CCDC125: variants seen among roughly 807,000 people sequenced by gnomAD.
The protein encoded by CCDC125 is coiled-coil domain-containing protein 125.
CCDC125 carries 43 observed loss-of-function variants against 57.4 expected under a neutral mutation model. The observed-to-expected ratio is 0.75, with a 90% confidence interval of 0.59 to 0.97. The LOEUF (loss-of-function observed/expected upper bound fraction) is 0.97. Among genes scored for constraint, CCDC125 ranks in the 50% least tolerant of loss-of-function variants. The pLI is 0.00. For synonymous variants in CCDC125, 187 were observed against 195.2 expected (o/e 0.96, Z 0.35); for missense variants, 563 against 595.7 (o/e 0.95, Z 0.57).
chr5:69,283,785 G>C (rs1752844649), intron 11 of CCDC125, among the ~76,000 whole-genome samples: 1 of 140,102 alleles, frequency 7.1e-6, no homozygotes, highest in Non-Finnish European at 1.6e-5. Context: ...ACCATGCCAG[G>C]CTGACAATTT....
chr5:69,327,282 G>A (rs547680449), intron 1 of CCDC125, among the ~76,000 whole-genome samples: 44 of 152,040 alleles, frequency 2.9e-4, no homozygotes, highest in Non-Finnish European at 8.8e-5. Context: ...TTTTAGTAGA[G>A]ATGGGGTTTC....
chr5:69,307,178 G>C (rs1218724574), intron 5 of CCDC125, among the ~76,000 whole-genome samples: 4 of 151,920 alleles, frequency 2.6e-5, no homozygotes, highest in African/African-American at 7.3e-5. Flanking sequence ...AGATTTCTCA[G>C]TGCCCACCTC....
At chr5:69,289,862 CAAAA>C (rs11284379) in intron 10 of CCDC125, among the ~76,000 whole-genome samples, 8 of 111,530 alleles carry the variant, frequency 7.2e-5, no homozygotes, top group Admixed American at 1.9e-4. Flanking sequence ...GATGCTGCCT[CAAAA>C]AAAAAAAAAA....
chr5:69,325,140 A>G (rs1332828879), intron 1 of CCDC125, among the ~76,000 whole-genome samples: 1 of 152,040 alleles, frequency 6.6e-6, no homozygotes, highest in Non-Finnish European at 1.5e-5. Context: ...CCTGGCCAAC[A>G]TGGTGAAACC....
intron 8 of CCDC125, among the ~76,000 whole-genome samples, chr5:69,295,502 T>C (rs1175670617): frequency 6.6e-6 from 1 of 152,212 alleles, no homozygotes; most frequent in Non-Finnish European, 1.5e-5. Context: ...GGTAGCATGT[T>C]TGAAATGCTG....
At chr5:69,296,279 C>T (rs1229998990) in intron 8 of CCDC125, among the ~76,000 whole-genome samples, 3 of 151,732 alleles carry the variant, frequency 2.0e-5, no homozygotes, top group African/African-American at 2.4e-5. Flanking sequence ...TGGCCAGGCG[C>T]GGTGGCTCAT....
chr5:69,285,920 GCCA>G (rs779803606), intron 10 of CCDC125, among the ~76,000 whole-genome samples: 1 of 151,974 alleles, frequency 6.6e-6, no homozygotes, highest in Non-Finnish European at 1.5e-5. Flanking sequence ...TCCTCATTCA[GCCA>G]CTTACTAACT....
chr5:69,318,850 T>C (rs931976502), intron 2 of CCDC125, among the ~76,000 whole-genome samples: 3 of 151,974 alleles, frequency 2.0e-5, no homozygotes, highest in Non-Finnish European at 4.4e-5. Context: ...CCTGAAATAC[T>C]AGCACCCCAT....
Position 69,282,844 on chromosome 5 carries a change from CTTGA to C in CCDC125, c.1417_1420del (p.Ser473ValfsTer5). ...GCCCACAGAATTTAAAATGCAGACACTTGAATGTATAGGATCACCCAAAACAGAG... is the reference window on the plus strand; with the variant it reads ...GCCCACAGAATTTAAAATGCAGACACATGTATAGGATCACCCAAAACAGAG... On this transcript the variant is annotated frameshift_variant, in exon 12 of 12. Transcript: ENST00000396496. LOFTEE classifies it low-confidence loss of function (END_TRUNC). The C allele has an allele frequency of 1.9e-6, 3 of 1,614,056 alleles. No homozygotes were observed. The highest frequency in any genetic ancestry group is 2.5e-6 in the Non-Finnish European group (3 of 1,179,974).
At chr5:69,319,224 G>A (rs1021567317) in intron 2 of CCDC125, among the ~76,000 whole-genome samples, 1 of 151,932 alleles carries the variant, frequency 6.6e-6, no homozygotes, top group Non-Finnish European at 1.5e-5. Context: ...CACTGTACCC[G>A]GCCTGCAGGT....
At chr5:69,291,057 G>C (rs1754377628) in intron 10 of CCDC125, among the ~76,000 whole-genome samples, 1 of 152,186 alleles carries the variant, frequency 6.6e-6, no homozygotes, top group South Asian at 2.1e-4. Flanking sequence ...AGATCTGACA[G>C]ATAAGAAAAT....
In CCDC125 at chr5:69,303,835, AATC is replaced by A; in HGVS notation, c.700+9_700+11del. 1 of 1,519,150 alleles carries A rather than the reference AATC, an allele frequency of 6.6e-7. No individual in the cohort carries two copies. The highest frequency in any genetic ancestry group is 1.4e-5 in the African/African-American group (1 of 72,630). The allele number at this position is 1,519,150 out of a possible 1,614,324, so 94.1% of individuals were successfully genotyped here. A position where few individuals can be genotyped will look rare whatever the true frequency, so the allele number is the denominator to read the frequency against. ...TTGATACATGTGCTCTTAATACAAA[AATC>A]ATCATTACCTGCATTGTCAGACTTC... On this transcript the variant is annotated intron_variant, in intron 7 of 11. Coordinates refer to ENST00000396496, the MANE Select transcript of CCDC125 (RefSeq NM_176816.5).
intron 8 of CCDC125, among the ~76,000 whole-genome samples, chr5:69,297,702 G>A (rs913673831): frequency 1.3e-5 from 2 of 150,982 alleles, no homozygotes; most frequent in Non-Finnish European, 3.0e-5. Context: ...GGTGGCTCAC[G>A]CCTGTAATCC....
chr5:69,313,778 C>T (rs1405450230), intron 3 of CCDC125: 3 of 789,674 alleles, frequency 3.8e-6, no homozygotes, highest in South Asian at 2.7e-5. Context: ...CGCCTTCTTG[C>T]GCTTCTTCAA....
chr5:69,299,703 G>T (rs924550041), intron 8 of CCDC125, among the ~76,000 whole-genome samples: 1 of 152,204 alleles, frequency 6.6e-6, no homozygotes, highest in East Asian at 1.9e-4. Flanking sequence ...TTGTATGAAA[G>T]CACTCAAACG....
intron 10 of CCDC125, among the ~76,000 whole-genome samples, chr5:69,288,614 A>T (rs1375320748): frequency 6.6e-6 from 1 of 152,108 alleles, no homozygotes; most frequent in African/African-American, 2.4e-5. Flanking sequence ...TGGTAAACGG[A>T]AGTGTTTCCC....
chr5:69,295,929 G>C (rs1053138065), intron 8 of CCDC125, among the ~76,000 whole-genome samples: 1 of 150,828 alleles, frequency 6.6e-6, no homozygotes, highest in African/African-American at 2.4e-5. Flanking sequence ...TGTCACCCAG[G>C]CTGGAGTGCA....
chr5:69,286,796 C>G (rs1271821851), intron 10 of CCDC125, among the ~76,000 whole-genome samples: 1 of 152,086 alleles, frequency 6.6e-6, no homozygotes, highest in African/African-American at 2.4e-5. Flanking sequence ...CCCCTTCCCA[C>G]CAATCCTGAC....
chr5:69,273,530 C>CA, the CCDC125 span, among the ~76,000 whole-genome samples: 1 of 152,118 alleles, frequency 6.6e-6, no homozygotes, highest in Admixed American at 6.6e-5. Flanking sequence ...ATGGTATAGT[C>CA]AGATATAATT....
Sources: gnomAD v4.1 joint callset for allele counts (sites outside exome capture counted in the v4.1 genomes callset) on GRCh38, gnomAD v4.1.1 for gene constraint, MANE v1.5 for transcripts, NCBI Gene and HGNC (gene_info 2026-07-23, HGNC 2026-07-21) for gene names.